FBXL7: variants seen among roughly 807,000 people sequenced by gnomAD.
FBXL7 encodes the protein F-box and leucine rich repeat protein 7, also known as F-box/LRR-repeat protein 7.
Under a neutral mutation model 38.3 loss-of-function variants are expected in FBXL7, and 12 were observed. The observed-to-expected ratio is 0.31, with a 90% confidence interval of 0.20 to 0.51. FBXL7 has a LOEUF of 0.51. Among genes scored for constraint, FBXL7 ranks in the 20% least tolerant of loss-of-function variants. The pLI, the probability that FBXL7 is intolerant of heterozygous loss-of-function variation, is 0.98. For missense variants in FBXL7, 567 were observed against 676.4 expected, an observed-to-expected ratio of 0.84 and a Z score of 1.79; for synonymous variants, 297 against 300.9, an observed-to-expected ratio of 0.99 and a Z score of 0.13.
At chr5:15,573,878 G>T (rs961854730) in intron 1 of FBXL7, among the ~76,000 whole-genome samples, 1 of 152,086 alleles carries the variant, frequency 6.6e-6, no homozygotes, top group Non-Finnish European at 1.5e-5. Context: ...TACCACTTCC[G>T]TCAGCAACCC....
rs552841127 is a variant in FBXL7 at position 15,855,942 on chromosome 5, T to A, written c.128-71948T>A. Among the ~76,000 whole-genome samples, 14 of 152,334 alleles carry A rather than the reference T, an allele frequency of 9.2e-5. 1 individual carries two copies. The highest frequency in any genetic ancestry group is 3.4e-4 in the African/African-American group (14 of 41,572). ...TGATTCCAAAGTCTATGATTGTTCT[T>A]AAAAAGAAAAACTTAACAGCTTTTT... On this transcript the variant is annotated intron_variant, in intron 2 of 3. Coordinates refer to ENST00000504595, the MANE Select transcript of FBXL7 (RefSeq NM_012304.5).
In FBXL7 at chr5:15,937,554, C is replaced by CCA. The variant is rs1554035742; in HGVS notation, c.*369_*370insAC. 2.7e-4 allele frequency: 50 copies of CCA among 186,240 alleles called. No individual in the cohort carries two copies. Among genetic ancestry groups the CCA allele is most frequent in the African/African-American group, 4.5e-4 (16 of 35,598 alleles). The allele number at this position is 186,240 out of a possible 1,614,324, so 11.5% of individuals were successfully genotyped here. On this transcript the variant is annotated 3_prime_UTR_variant, in exon 4 of 4. Coordinates refer to ENST00000504595, the MANE Select transcript of FBXL7 (RefSeq NM_012304.5). ...CACCCCCACAGTTCCACGCCCCCCC[C>CCA]CCAAGGCCACACCCTCCCTCCCTAG... is the stretch of plus-strand genomic sequence containing the variant.
intron 2 of FBXL7, among the ~76,000 whole-genome samples, chr5:15,912,906 T>C (rs1253833498): frequency 6.6e-6 from 1 of 152,158 alleles, no homozygotes; most frequent in African/African-American, 2.4e-5. Flanking sequence ...CCATGCGAAA[T>C]GTATCCCAGG....
intron 1 of FBXL7, chr5:15,501,850 C>A (rs1736494696): frequency 1.8e-6 from 1 of 545,902 alleles, no homozygotes. Context: ...GTTTTGACTT[C>A]CATATGTGCA....
At chr5:15,617,903 T>C (rs1055466590) in intron 2 of FBXL7, among the ~76,000 whole-genome samples, 1 of 152,226 alleles carries the variant, frequency 6.6e-6, no homozygotes, top group African/African-American at 2.4e-5. Context: ...CTAATTTGAA[T>C]GGCTATCCAA....
intron 2 of FBXL7, among the ~76,000 whole-genome samples, chr5:15,865,453 A>G (rs953297204): frequency 6.6e-6 from 1 of 152,196 alleles, no homozygotes; most frequent in Non-Finnish European, 1.5e-5. Context: ...TGTCAGGAGG[A>G]TCTAGAAGCA....
At chr5:15,756,276 T>C (rs1171227989) in intron 2 of FBXL7, among the ~76,000 whole-genome samples, 1 of 152,182 alleles carries the variant, frequency 6.6e-6, no homozygotes, top group Non-Finnish European at 1.5e-5. Context: ...TAACAATTCC[T>C]TATATTAAGA....
At chr5:15,643,850 T>C (rs909838601) in intron 2 of FBXL7, among the ~76,000 whole-genome samples, 3 of 152,208 alleles carry the variant, frequency 2.0e-5, no homozygotes, top group Admixed American at 2.0e-4. Context: ...TTGGGGTTCA[T>C]GTGAGGCCAT....
At chr5:15,626,984 G>A (rs1273729452) in intron 2 of FBXL7, among the ~76,000 whole-genome samples, 1 of 152,124 alleles carries the variant, frequency 6.6e-6, no homozygotes, top group East Asian at 1.9e-4. Flanking sequence ...TAGCACAGAG[G>A]ATGATTCCTC....
chr5:15,718,739 G>C (rs933624960), intron 2 of FBXL7, among the ~76,000 whole-genome samples: 2 of 152,128 alleles, frequency 1.3e-5, no homozygotes, highest in African/African-American at 4.8e-5. Flanking sequence ...AAACATAAAT[G>C]ACCTTTTTTC....
chr5:15,792,438 CT>C (rs1176010484), intron 2 of FBXL7, among the ~76,000 whole-genome samples: 1 of 152,098 alleles, frequency 6.6e-6, no homozygotes, highest in African/African-American at 2.4e-5. Context: ...ATAATGCATC[CT>C]GGAAAACGTT....
chr5:15,607,766 G>A (rs1473384736), intron 1 of FBXL7, among the ~76,000 whole-genome samples: 1 of 152,202 alleles, frequency 6.6e-6, no homozygotes, highest in Non-Finnish European at 1.5e-5. Flanking sequence ...CAGCGGCTCA[G>A]AATTGTATGT....
chr5:15,541,159 C>T (rs1737730260), intron 1 of FBXL7, among the ~76,000 whole-genome samples: 1 of 151,022 alleles, frequency 6.6e-6, no homozygotes, highest in Non-Finnish European at 1.5e-5. Context: ...TATAATGACG[C>T]CTCACTCCCA....
At chr5:15,762,664 GA>G (rs1201664682) in intron 2 of FBXL7, among the ~76,000 whole-genome samples, 1 of 152,162 alleles carries the variant, frequency 6.6e-6, no homozygotes, top group African/African-American at 2.4e-5. Flanking sequence ...GAGTTGTTTT[GA>G]AAGTTAATTA....
intron 1 of FBXL7, among the ~76,000 whole-genome samples, chr5:15,608,842 A>G (rs2126506175): frequency 6.6e-6 from 1 of 152,256 alleles, no homozygotes; most frequent in East Asian, 1.9e-4. Flanking sequence ...ACACATACAC[A>G]TATGTAACCT....
intron 1 of FBXL7, among the ~76,000 whole-genome samples, chr5:15,504,172 A>G (rs1736579082): frequency 2.0e-5 from 3 of 152,224 alleles, no homozygotes; most frequent in African/African-American, 7.2e-5. Context: ...TTTCAGCATC[A>G]ACTCCGGGGT....
intron 2 of FBXL7, among the ~76,000 whole-genome samples, chr5:15,734,181 C>T (rs1300195213): frequency 6.6e-6 from 1 of 152,132 alleles, no homozygotes; most frequent in East Asian, 1.9e-4. Context: ...CTTGCTGTCC[C>T]CAGCTGCGCT....
At chr5:15,582,379 A>G (rs1016759639) in intron 1 of FBXL7, among the ~76,000 whole-genome samples, 28 of 152,238 alleles carry the variant, frequency 1.8e-4, no homozygotes, top group African/African-American at 6.8e-4. Flanking sequence ...CGATGGATCA[A>G]TTTGATCTTC....
intron 2 of FBXL7, among the ~76,000 whole-genome samples, chr5:15,788,407 T>C (rs1055806855): frequency 1.3e-5 from 2 of 152,116 alleles, no homozygotes; most frequent in Admixed American, 1.3e-4. Flanking sequence ...CCATGAATGA[T>C]GTGGCATTGC....
Sources: gnomAD v4.1 joint callset for allele counts (sites outside exome capture counted in the v4.1 genomes callset) on GRCh38, gnomAD v4.1.1 for gene constraint, MANE v1.5 for transcripts, NCBI Gene and HGNC (gene_info 2026-07-23, HGNC 2026-07-21) for gene names.